FOXO3: variants seen among roughly 807,000 people sequenced by gnomAD.
The protein encoded by FOXO3 is forkhead box O3.
Under a neutral mutation model 41.9 loss-of-function variants are expected in FOXO3, and 4 were observed. The observed-to-expected ratio is 0.10, with a 90% CI of 0.05 to 0.22. FOXO3 has a LOEUF of 0.22. Among genes scored for constraint, FOXO3 ranks in the 10% least tolerant of loss-of-function variants. The pLI is 1.00. For synonymous variants in FOXO3, 318 were observed against 389.3 expected (o/e 0.82, Z 2.16); for missense variants, 534 against 906.8 (o/e 0.59, Z 5.28).
intron 1 of FOXO3, among the ~76,000 whole-genome samples, chr6:108,641,615 A>G (rs1375918615): frequency 6.6e-6 from 1 of 152,124 alleles, no homozygotes. Context: ...TTAAGGTATA[A>G]TTCACCTTAT....
At chr6:108,619,754 C>T (rs1452463273) in intron 1 of FOXO3, among the ~76,000 whole-genome samples, 1 of 152,130 alleles carries the variant, frequency 6.6e-6, no homozygotes, top group Non-Finnish European at 1.5e-5. Flanking sequence ...GAAGCTAATA[C>T]CCCTGATTAA....
At chr6:108,570,715 G>A (rs1298552864) in intron 1 of FOXO3, among the ~76,000 whole-genome samples, 8 of 152,056 alleles carry the variant, frequency 5.3e-5, no homozygotes, top group Admixed American at 5.2e-4. Flanking sequence ...GCCAGCAGAG[G>A]GAGTACACAA....
Position 108,663,730 on chromosome 6 carries a change from C to T in FOXO3, c.897C>T (p.Ser299=). ...SKWPGSPTSR[S]SDELDAWTDF... Reference sequence around the variant, plus strand: ...GGCCTGGCAGCCCCACGTCACGCAGCAGTGATGAGCTGGATGCGTGGACGG... The same window carrying T: ...GGCCTGGCAGCCCCACGTCACGCAGTAGTGATGAGCTGGATGCGTGGACGG... Residue 299 remains serine (S), a synonymous_variant, in exon 2 of 3, where the codon AGC becomes AGT. Transcript: ENST00000406360. The T allele has an allele frequency of 6.2e-7, 1 of 1,613,722 alleles. No individual in the cohort carries two copies. The highest frequency in any genetic ancestry group is 8.5e-7 in the Non-Finnish European group (1 of 1,179,742).
At chr6:108,587,763 C>A (rs947709851) in intron 1 of FOXO3, among the ~76,000 whole-genome samples, 11 of 152,228 alleles carry the variant, frequency 7.2e-5, no homozygotes, top group Admixed American at 2.0e-4. Context: ...TCTGTACTTA[C>A]TTGACTTCCC....
At chr6:108,610,717 T>G (rs575982157) in intron 1 of FOXO3, among the ~76,000 whole-genome samples, 1 of 152,324 alleles carries the variant, frequency 6.6e-6, no homozygotes, top group South Asian at 2.1e-4. Context: ...CCTCCACATC[T>G]TGTAACCCAG....
At chr6:108,560,750 T>C (rs1289164930), upstream of FOXO3, 5 of 248,262 alleles carry the variant, frequency 2.0e-5, no homozygotes, top group Non-Finnish European at 3.0e-5. Context: ...CTCCGGCCGC[T>C]GCCCGCTTTA....
intron 1 of FOXO3, among the ~76,000 whole-genome samples, chr6:108,661,256 A>G (rs4946934): frequency 0.01 from 1,578 of 152,120 alleles, 103 homozygotes; most frequent in Admixed American, 0.087. Flanking sequence ...GGCGGGGGGA[A>G]CATTCTGGTA....
chr6:108,595,308 AG>A, intron 1 of FOXO3, among the ~76,000 whole-genome samples: 1 of 152,210 alleles, frequency 6.6e-6, no homozygotes, highest in Non-Finnish European at 1.5e-5. Flanking sequence ...GGAGGTAGAG[AG>A]AAAAAACTTT....
At chr6:108,644,497 C>T (rs1459341752) in intron 1 of FOXO3, among the ~76,000 whole-genome samples, 1 of 152,130 alleles carries the variant, frequency 6.6e-6, no homozygotes, top group Non-Finnish European at 1.5e-5. Flanking sequence ...CTTTCTGGAT[C>T]TTTCAGTGGT....
At chr6:108,618,682 G>A (rs1777584695) in intron 1 of FOXO3, among the ~76,000 whole-genome samples, 1 of 152,176 alleles carries the variant, frequency 6.6e-6, no homozygotes, top group African/African-American at 2.4e-5. Context: ...ATGAACTATT[G>A]CTAGCTTTAT....
chr6:108,589,638 G>A (rs1341071739), intron 1 of FOXO3, among the ~76,000 whole-genome samples: 1 of 152,206 alleles, frequency 6.6e-6, no homozygotes, highest in Non-Finnish European at 1.5e-5. Flanking sequence ...CTTAGCTTTA[G>A]TTGCCATTAA....
intron 1 of FOXO3, among the ~76,000 whole-genome samples, chr6:108,622,335 C>G (rs949887969): frequency 6.7e-6 from 1 of 149,154 alleles, no homozygotes; most frequent in African/African-American, 2.5e-5. Flanking sequence ...GTCAGGAGAG[C>G]GAAGCTTTCT....
At chr6:108,571,850 G>C (rs996147890) in intron 1 of FOXO3, among the ~76,000 whole-genome samples, 3 of 152,188 alleles carry the variant, frequency 2.0e-5, no homozygotes, top group African/African-American at 7.2e-5. Context: ...AGAAGAGTGG[G>C]AATGGCACAG....
chr6:108,587,248 C>T (rs1450247450), intron 1 of FOXO3, among the ~76,000 whole-genome samples: 1 of 152,120 alleles, frequency 6.6e-6, no homozygotes, highest in Non-Finnish European at 1.5e-5. Flanking sequence ...CCAGCCTGCT[C>T]ACTCCATTTC....
At chr6:108,605,751 G>GATAA (rs1453596092) in intron 1 of FOXO3, among the ~76,000 whole-genome samples, 1 of 152,218 alleles carries the variant, frequency 6.6e-6, no homozygotes. Context: ...TACCTGCTTA[G>GATAA]ATAAAGCAAG....
intron 1 of FOXO3, among the ~76,000 whole-genome samples, chr6:108,640,285 G>T (rs918223229): frequency 6.6e-6 from 1 of 152,166 alleles, no homozygotes; most frequent in Non-Finnish European, 1.5e-5. Flanking sequence ...TTGGACAGGG[G>T]AATTTTTCAG....
chr6:108,563,300 C>T (rs1228577356), intron 1 of FOXO3, among the ~76,000 whole-genome samples: 2 of 152,200 alleles, frequency 1.3e-5, no homozygotes, highest in African/African-American at 2.4e-5. Context: ...TGATATTAAT[C>T]CACTAATGTG....
At chr6:108,635,544 C>G (rs1778099090) in intron 1 of FOXO3, among the ~76,000 whole-genome samples, 1 of 152,064 alleles carries the variant, frequency 6.6e-6, no homozygotes, top group South Asian at 2.1e-4. Context: ...AAATGTGTCA[C>G]AAAAAGAATA....
intron 1 of FOXO3, among the ~76,000 whole-genome samples, chr6:108,611,063 T>C (rs977444808): frequency 2.6e-5 from 4 of 151,718 alleles, no homozygotes; most frequent in African/African-American, 9.7e-5. Context: ...GAGCTACTTT[T>C]TGCCTTTTCT....
Sources: allele counts gnomAD v4.1 joint callset (sites outside exome capture counted in the v4.1 genomes callset), GRCh38; gene constraint gnomAD v4.1.1; transcripts MANE v1.5; gene names NCBI Gene and HGNC (gene_info 2026-07-23, HGNC 2026-07-21).